The following PARPBP variants were observed in gnomAD, a reference collection of about 807,000 sequenced individuals.
The protein encoded by PARPBP is PARP1 binding protein.
PARPBP carries 52 observed loss-of-function variants against 50.0 expected under a neutral mutation model. The ratio of observed to expected loss-of-function variants is 1.04; its 90% CI spans 0.83 to 1.31. PARPBP has a LOEUF of 1.31. Among genes scored for constraint, PARPBP ranks in the 50% most tolerant of loss-of-function variants. PARPBP has a pLI of 0.00. For missense variants in PARPBP, 697 were observed against 672.0 expected, an observed-to-expected ratio of 1.04 and a Z score of -0.41; for synonymous variants, 244 against 232.1, an observed-to-expected ratio of 1.05 and a Z score of -0.47.
chr12:102,155,151 A>C lies in PARPBP; in HGVS notation c.495+1175A>C, dbSNP rs537024436. 87 of 167,970 alleles carry C rather than the reference A, an allele frequency of 5.2e-4. No individual in the cohort carries two copies. The South Asian group carries it at 0.012, about 24-fold the overall frequency. The allele number at this position is 167,970 out of a possible 1,614,324, so 10.4% of individuals were successfully genotyped here. A position where few individuals can be genotyped will look rare whatever the true frequency, so the allele number is the denominator to read the frequency against. On this transcript the variant is annotated intron_variant, in intron 4 of 10. Coordinates refer to ENST00000327680, the MANE Select transcript of PARPBP (RefSeq NM_017915.5). ...ACTGATTGATGTCTTATGTCTCTCT[A>C]AAACATATATTACCTCAGCTACTTG...
At chr12:102,141,210 T>C (rs1884535801) in intron 2 of PARPBP, among the ~76,000 whole-genome samples, 2 of 152,234 alleles carry the variant, frequency 1.3e-5, no homozygotes, top group African/African-American at 4.8e-5. Context: ...GCTCTTCTTG[T>C]TGAATTGATC....
intron 2 of PARPBP, among the ~76,000 whole-genome samples, chr12:102,134,288 A>G (rs928660688): frequency 4.0e-5 from 6 of 151,856 alleles, no homozygotes; most frequent in South Asian, 4.1e-4. Flanking sequence ...CTAATACCAC[A>G]GAAATAAAAC....
intron 4 of PARPBP, among the ~76,000 whole-genome samples, chr12:102,157,293 C>T (rs973325500): frequency 1.3e-5 from 2 of 151,970 alleles, no homozygotes; most frequent in Non-Finnish European, 2.9e-5. Flanking sequence ...CGTACATTTC[C>T]TAAAAGTAAT....
At chr12:102,130,864 A>G (rs891255846) in intron 2 of PARPBP, among the ~76,000 whole-genome samples, 3 of 152,058 alleles carry the variant, frequency 2.0e-5, no homozygotes, top group Admixed American at 6.5e-5. Context: ...TCAGAAAAAA[A>G]AAAACCTAAA....
intron 9 of PARPBP, among the ~76,000 whole-genome samples, chr12:102,187,715 C>T (rs1890422974): frequency 6.6e-6 from 1 of 152,066 alleles, no homozygotes; most frequent in African/African-American, 2.4e-5. Flanking sequence ...CAAAATGTAA[C>T]TCTGAGGAGA....
chr12:102,149,336 T>A (rs1285451801), intron 3 of PARPBP, among the ~76,000 whole-genome samples: 1 of 152,214 alleles, frequency 6.6e-6, no homozygotes, highest in East Asian at 1.9e-4. Context: ...TGTCTAAAGA[T>A]ATGCAACCAA....
chr12:102,173,895 A>G (rs1200714518), intron 6 of PARPBP, among the ~76,000 whole-genome samples: 1 of 146,092 alleles, frequency 6.8e-6, no homozygotes. Flanking sequence ...CTCTTCGGTG[A>G]TATGTTCTTC....
Position 102,181,143 on chromosome 12 carries a change from T to C in PARPBP, c.1185-1406T>C, listed in dbSNP as rs1035419061. Among the ~76,000 whole-genome samples, 8 of 152,340 alleles carry C rather than the reference T, an allele frequency of 5.3e-5. No individual in the cohort carries two copies. The East Asian group carries it at 1.3e-3, about 26-fold the overall frequency. On this transcript the variant is annotated intron_variant, in intron 8 of 10. Transcript: ENST00000327680. ...GAATTTCAGTTATGTGGATTTCTTA[T>C]ATTCTTTACTTAGACTTCAGGATGC...
chr12:102,155,711 C>T (rs1344906923), intron 4 of PARPBP, among the ~76,000 whole-genome samples: 2 of 151,846 alleles, frequency 1.3e-5, no homozygotes, highest in African/African-American at 4.8e-5. Context: ...CCTATTAAAT[C>T]TTGCAACTGC....
chr12:102,195,292 T>C lies in PARPBP; in HGVS notation c.1264-20T>C, dbSNP rs748261295. 44 of 1,436,250 alleles carry C rather than the reference T, an allele frequency of 3.1e-5. No homozygotes were observed. The highest frequency in any genetic ancestry group is 4.0e-5 in the Non-Finnish European group (42 of 1,044,228). 89.0% of individuals were successfully genotyped at this position (1,436,250 alleles called of 1,614,324 possible). A position where few individuals can be genotyped will look rare whatever the true frequency, so the allele number is the denominator to read the frequency against. ...ATAATGAATAAATTTGCATATTTTCTTCTTTCTTTCTGTTACTAGATGAAG... is the reference window on the plus strand; with the variant it reads ...ATAATGAATAAATTTGCATATTTTCCTCTTTCTTTCTGTTACTAGATGAAG... On this transcript the variant is annotated intron_variant, in intron 9 of 10. Coordinates refer to ENST00000327680, the MANE Select transcript of PARPBP (RefSeq NM_017915.5).
intron 2 of PARPBP, among the ~76,000 whole-genome samples, chr12:102,138,240 T>C (rs1346018717): frequency 6.6e-6 from 1 of 152,262 alleles, no homozygotes; most frequent in Non-Finnish European, 1.5e-5. Flanking sequence ...TTGATTTGCA[T>C]TTCTCTGATG....
At chr12:102,181,027 A>C (rs1889775513) in intron 8 of PARPBP, among the ~76,000 whole-genome samples, 1 of 152,204 alleles carries the variant, frequency 6.6e-6, no homozygotes, top group Non-Finnish European at 1.5e-5. Context: ...AGTTGGTCTG[A>C]ATCCAAAACT....
intron 2 of PARPBP, among the ~76,000 whole-genome samples, chr12:102,145,954 A>C (rs1451072824): frequency 6.6e-6 from 1 of 152,054 alleles, no homozygotes; most frequent in African/African-American, 2.4e-5. Flanking sequence ...ATAGTAATGA[A>C]ACATAATTTT....
chr12:102,194,938 T>G (rs933424254), intron 9 of PARPBP, among the ~76,000 whole-genome samples: 1 of 151,712 alleles, frequency 6.6e-6, no homozygotes, highest in African/African-American at 2.4e-5. Flanking sequence ...GAACTTGTAT[T>G]TTTCTATGAT....
chr12:102,128,004 C>T (rs1882274157), intron 2 of PARPBP, among the ~76,000 whole-genome samples: 1 of 152,152 alleles, frequency 6.6e-6, no homozygotes, highest in South Asian at 2.1e-4. Context: ...TGCATTACCT[C>T]ACATTCTTAA....
At chr12:102,142,914 C>A (rs1884836395) in intron 2 of PARPBP, among the ~76,000 whole-genome samples, 1 of 152,232 alleles carries the variant, frequency 6.6e-6, no homozygotes, top group Non-Finnish European at 1.5e-5. Context: ...TGGGAGGTGC[C>A]TCCCACTTAG....
At chr12:102,147,220 A>G (rs892612974) in intron 2 of PARPBP, among the ~76,000 whole-genome samples, 8 of 152,236 alleles carry the variant, frequency 5.3e-5, no homozygotes, top group African/African-American at 1.9e-4. Flanking sequence ...TGCTGGGTAT[A>G]TACCCAAGGG....
chr12:102,197,305 G>A lies in PARPBP; in HGVS notation c.*1014G>A, dbSNP rs557836462. The A allele has an allele frequency of 1.5e-5, 13 of 864,438 alleles. No individual in the cohort carries two copies. The East Asian group carries it at 3.4e-4, about 23-fold the overall frequency. The allele number at this position is 864,438 out of a possible 1,614,324, so 53.5% of individuals were successfully genotyped here. ...TTGACTTTTTAAAAATACCTTAGAT[G>A]CAAATTTATAGGAGAAAAAACACTT... On this transcript the variant is annotated 3_prime_UTR_variant, in exon 11 of 11. Coordinates refer to ENST00000327680, the MANE Select transcript of PARPBP (RefSeq NM_017915.5).
rs751935889 is a variant in PARPBP at position 102,196,092 on chromosome 12, A to G, written c.1541A>G (p.Asp514Gly). 1 of 1,612,080 alleles carries G rather than the reference A, an allele frequency of 6.2e-7. No individual in the cohort carries two copies. Among genetic ancestry groups the G allele is most frequent in the South Asian group, 1.1e-5 (1 of 91,010 alleles). The change falls in exon 11 of 11, where the codon GAT becomes GGT. Residue 514 changes from aspartate (D) to glycine (G), a missense_variant. Coordinates refer to ENST00000327680, the MANE Select transcript of PARPBP (RefSeq NM_017915.5). ...AAAAGCTCAAAAAGGAAACAGGTGG[A>G]TTTGGATGGTGAAAATATTCTCTGT... ...GNKSSKRKQV[D>G]LDGENILCDN...
Sources: gnomAD v4.1 joint callset for allele counts (sites outside exome capture counted in the v4.1 genomes callset) on GRCh38, gnomAD v4.1.1 for gene constraint, MANE v1.5 for transcripts, NCBI Gene and HGNC (gene_info 2026-07-23, HGNC 2026-07-21) for gene names.